The following EHD2 variants were observed in gnomAD, a reference collection of about 807,000 sequenced individuals.
EHD2 encodes the protein EH domain containing 2.
In EHD2, 27 loss-of-function variants were observed where a neutral mutation model predicts 41.0. That is an observed-to-expected ratio of 0.66 (90% CI 0.49 to 0.91). The LOEUF is 0.91. Ranked by LOEUF, EHD2 falls within the 40% of genes least tolerant of loss-of-function variation. The pLI, the probability that EHD2 is intolerant of heterozygous loss-of-function variation, is 0.00. For synonymous variants in EHD2, 342 were observed against 341.0 expected, an observed-to-expected ratio of 1.00 and a Z score of -0.03; for missense variants, 673 against 773.9, an observed-to-expected ratio of 0.87 and a Z score of 1.55.
At position 47,741,951 on chromosome 19, in the gene EHD2, C is replaced by G. The variant is rs1966995306; in HGVS notation, c.*519C>G. On this transcript the variant is annotated 3_prime_UTR_variant, in exon 6 of 6. Coordinates refer to ENST00000263277, the MANE Select transcript of EHD2 (RefSeq NM_014601.4). This position sits in a 1 kb window ranked among gnomAD's most constrained non-coding sequence, Gnocchi z 4.5. The stretch of plus-strand genomic sequence containing the variant: ...GCAGATAAACAGACCCCCTTCTGCT[C>G]CGCTTCCTCCTGCCCAGCCAGGCAA... The G allele has an allele frequency of 2.2e-6, 1 of 456,128 alleles. No homozygotes were observed. Among genetic ancestry groups the G allele is most frequent in the Non-Finnish European group, 4.4e-6 (1 of 226,946 alleles). The allele number at this position is 456,128 out of a possible 1,614,324, so 28.3% of individuals were successfully genotyped here.
At chr19:47,740,745 C>A in intron 5 of EHD2, 136 bp from the exon 6 acceptor site, 1 of 979,692 alleles carries the variant, frequency 1.0e-6, no homozygotes, top group Non-Finnish European at 1.5e-6. Context: ...AAGACTCTGT[C>A]TCAAAACAAA....
chr19:47,724,328 G>C (rs1412846887), intron 3 of EHD2, among the ~76,000 whole-genome samples: 1 of 151,988 alleles, frequency 6.6e-6, no homozygotes, highest in Non-Finnish European at 1.5e-5. Flanking sequence ...CAAAGTGCTG[G>C]GATTACAGGT....
At chr19:47,730,646 A>G (rs1362840511) in intron 4 of EHD2, among the ~76,000 whole-genome samples, 3 of 152,128 alleles carry the variant, frequency 2.0e-5, no homozygotes, top group Middle Eastern at 3.4e-3. Context: ...CCAGTGCCTC[A>G]GTTTCCCATC....
intron 3 of EHD2, among the ~76,000 whole-genome samples, chr19:47,722,039 C>A (rs190886645): frequency 6.7e-6 from 1 of 149,602 alleles, no homozygotes; most frequent in Admixed American, 6.7e-5. Flanking sequence ...CACACACACA[C>A]ACACACACAC....
At chr19:47,718,273 CAAAA>C (rs58873230) in intron 2 of EHD2, among the ~76,000 whole-genome samples, 5 of 91,942 alleles carry the variant, frequency 5.4e-5, no homozygotes, top group Non-Finnish European at 4.3e-5. Context: ...AACTCTGTCT[CAAAA>C]AAAAAAAAAA....
chr19:47,722,394 C>G (rs1415414659), intron 3 of EHD2, among the ~76,000 whole-genome samples: 1 of 152,116 alleles, frequency 6.6e-6, no homozygotes, highest in Non-Finnish European at 1.5e-5. Context: ...CTTCCTCCCC[C>G]AAAACAACGG....
Position 47,740,788 on chromosome 19 carries a change from C to T in EHD2, c.1081-93C>T, listed in dbSNP as rs74761944. The T allele has an allele frequency of 1.1e-4, 153 of 1,371,744 alleles. 1 individual carries two copies. Among genetic ancestry groups the T allele is most frequent in the African/African-American group, 1.8e-4 (12 of 68,150 alleles). 85.0% of individuals were successfully genotyped at this position (1,371,744 alleles called of 1,614,324 possible). A position where few individuals can be genotyped will look rare whatever the true frequency, so the allele number is the denominator to read the frequency against. ...AAAAAAACCCCACAACAGCTACCCC[C>T]GAGCTTCTCCAGTGTCCTGATACCA... On this transcript the variant is annotated intron_variant, in intron 5 of 5. Transcript: ENST00000263277.
At chr19:47,734,137 C>T (rs56402284) in intron 4 of EHD2, among the ~76,000 whole-genome samples, 1 of 152,030 alleles carries the variant, frequency 6.6e-6, no homozygotes, top group African/African-American at 2.4e-5. Flanking sequence ...GGATGACGCT[C>T]GAATGGACAT....
At chr19:47,739,365 C>T (rs1312528089) in intron 5 of EHD2, among the ~76,000 whole-genome samples, 2 of 143,324 alleles carry the variant, frequency 1.4e-5, no homozygotes, top group South Asian at 2.2e-4. Context: ...CTTTGGGAGG[C>T]CGAGGTGGGC....
chr19:47,740,937 A>G lies in EHD2; in HGVS notation c.1137A>G (p.Leu379=), dbSNP rs7255434. 1,084,265 of 1,612,986 alleles carry G rather than the reference A, an allele frequency of 0.67. 374,370 individuals are homozygous for G. The highest frequency in any genetic ancestry group is 0.73 in the South Asian group (66,045 of 91,072). The change falls in exon 6 of 6, where the codon CTA becomes CTG. Residue 379 remains leucine, a synonymous_variant. Coordinates refer to ENST00000263277, the MANE Select transcript of EHD2 (RefSeq NM_014601.4). ...TTCACTCGCTGAAGCCGAAGCTGCT[A>G]GAGGCACTGGACGAGATGCTGACGC... ...TKFHSLKPKL[L]EALDEMLTHD...
intron 4 of EHD2, among the ~76,000 whole-genome samples, chr19:47,729,447 G>A (rs1438720718): frequency 1.3e-5 from 2 of 152,158 alleles, no homozygotes; most frequent in Non-Finnish European, 2.9e-5. Context: ...GGAGAGTCTA[G>A]GAGCCTGGAG....
chr19:47,725,888 G>A lies in EHD2; in HGVS notation c.579G>A (p.Lys193=), dbSNP rs1300524101. The A allele has an allele frequency of 6.2e-7, 1 of 1,613,822 alleles. No individual in the cohort carries two copies. Among genetic ancestry groups the A allele is most frequent in the East Asian group, 2.2e-5 (1 of 44,866 alleles). The part of the protein sequence containing the change: ...DLIILLFDAH[K]LEISDEFSEA... ...TCATCCTGCTCTTTGATGCGCACAA[G>A]CTGGAGATCTCGGACGAGTTCTCAG... The change falls in exon 4 of 6, where the codon AAG becomes AAA. Residue 193 remains lysine, a synonymous_variant. Transcript: ENST00000263277.
chr19:47,741,252 A>C lies in EHD2; in HGVS notation c.1452A>C (p.Ser484=). 6.2e-7 allele frequency: 1 copy of C among 1,614,132 alleles called. No individual in the cohort carries two copies. The highest frequency in any genetic ancestry group is 8.5e-7 in the Non-Finnish European group (1 of 1,179,994). The change falls in exon 6 of 6, where the codon TCA becomes TCC. Residue 484 remains serine, a synonymous_variant. Coordinates refer to ENST00000263277, the MANE Select transcript of EHD2 (RefSeq NM_014601.4). The surrounding 1 kb of genome is among the most constrained non-coding windows in gnomAD (Gnocchi z 4.5). ...TWMVGTKLPN[S]VLGRIWKLSD... is the part of the protein sequence containing the mutation. ...TGGTGGGGACCAAGCTCCCCAACTCAGTGCTGGGGCGCATCTGGAAGCTCA... is the reference window on the plus strand; with the variant it reads ...TGGTGGGGACCAAGCTCCCCAACTCCGTGCTGGGGCGCATCTGGAAGCTCA...
chr19:47,729,316 G>A (rs2123649735), intron 4 of EHD2, among the ~76,000 whole-genome samples: 1 of 152,332 alleles, frequency 6.6e-6, no homozygotes, highest in South Asian at 2.1e-4. Flanking sequence ...CAGAGGTGGT[G>A]TGGGCTGTGT....
chr19:47,737,433 G>A (rs1414812338), intron 5 of EHD2, among the ~76,000 whole-genome samples: 1 of 151,564 alleles, frequency 6.6e-6, no homozygotes, highest in Admixed American at 6.6e-5. Context: ...AAGGCGGGTG[G>A]ATCACCTGAG....
chr19:47,741,267 C>A lies in EHD2; in HGVS notation c.1467C>A (p.Ile489=), dbSNP rs752503958. The A allele has an allele frequency of 5.0e-6, 8 of 1,614,164 alleles. No individual in the cohort carries two copies. The Admixed American group carries it at 1.3e-4, about 27-fold the overall frequency. Residue 489 remains isoleucine (I), a synonymous_variant, in exon 6 of 6, where the codon ATC becomes ATA. Transcript: ENST00000263277. This position sits in a 1 kb window ranked among gnomAD's most constrained non-coding sequence, Gnocchi z 4.5. ...TKLPNSVLGR[I]WKLSDVDRDG... ...TCCCCAACTCAGTGCTGGGGCGCAT[C>A]TGGAAGCTCAGCGATGTGGACCGCG...
In EHD2 at chr19:47,741,436, G is replaced by A. The variant is rs1394982880; in HGVS notation, c.*4G>A. 31 of 1,424,654 alleles carry A rather than the reference G, an allele frequency of 2.2e-5. No homozygotes were observed. Among genetic ancestry groups the A allele is most frequent in the Non-Finnish European group, 2.8e-5 (31 of 1,100,914 alleles). 88.3% of individuals were successfully genotyped at this position (1,424,654 alleles called of 1,614,324 possible). On this transcript the variant is annotated 3_prime_UTR_variant, in exon 6 of 6. Transcript: ENST00000263277. The surrounding 1 kb of genome is among the most constrained non-coding windows in gnomAD (Gnocchi z 4.5). ...CCACAAGGGCTCCGCCGAGTGAGCC[G>A]GCCCCCCTCCCATGGCCCTGCTGTG... is the stretch of plus-strand genomic sequence containing the variant.
chr19:47,726,745 C>T (rs944109058), intron 4 of EHD2, among the ~76,000 whole-genome samples: 3 of 152,142 alleles, frequency 2.0e-5, no homozygotes, highest in Non-Finnish European at 4.4e-5. Flanking sequence ...GATGCAATCA[C>T]AGCTCACCAC....
intron 4 of EHD2, among the ~76,000 whole-genome samples, chr19:47,735,461 A>G (rs1966911369): frequency 6.6e-6 from 1 of 151,920 alleles, no homozygotes; most frequent in Non-Finnish European, 1.5e-5. Context: ...CCATCTGGGC[A>G]GTGGCTCTTG....
Sources: allele counts gnomAD v4.1 joint callset (sites outside exome capture counted in the v4.1 genomes callset), GRCh38; gene constraint gnomAD v4.1.1; non-coding constraint Gnocchi (gnomAD v3.1); transcripts MANE v1.5; gene names NCBI Gene and HGNC (gene_info 2026-07-23, HGNC 2026-07-21).